The following TACC1 variants were observed in gnomAD, a reference collection of about 807,000 sequenced individuals.
The protein encoded by TACC1 is transforming acidic coiled-coil-containing protein 1.
TACC1 carries 48 observed loss-of-function variants against 84.4 expected under a neutral mutation model. That is an observed-to-expected ratio of 0.57 (90% CI 0.45 to 0.72). The LOEUF is 0.72. TACC1 is among the 30% of genes least tolerant of loss of function. TACC1 has a pLI of 0.00. For synonymous variants in TACC1, 372 were observed against 376.3 expected, an observed-to-expected ratio of 0.99 and a Z score of 0.13; for missense variants, 920 against 973.0, an observed-to-expected ratio of 0.95 and a Z score of 0.72.
At position 38,852,052 on chromosome 8, in the gene TACC1, C is replaced by T. The variant is rs564972841; in HGVS notation, c.*4029C>T. Reference sequence around the variant, plus strand: ...AGACTCTCCTCTCAAAGGATCTCCTCTGGAAGAGACTATCAGCGGCAGCAT... The same window carrying T: ...AGACTCTCCTCTCAAAGGATCTCCTTTGGAAGAGACTATCAGCGGCAGCAT... On this transcript the variant is annotated 3_prime_UTR_variant, in exon 13 of 13. Coordinates refer to ENST00000317827, the MANE Select transcript of TACC1 (RefSeq NM_006283.3). 1 of 431,848 alleles carries T rather than the reference C, an allele frequency of 2.3e-6. No homozygotes were observed. The highest frequency in any genetic ancestry group is 2.5e-5 in the Admixed American group (1 of 39,826). 26.8% of individuals were successfully genotyped at this position (431,848 alleles called of 1,614,324 possible). A position where few individuals can be genotyped will look rare whatever the true frequency, so the allele number is the denominator to read the frequency against.
At chr8:38,831,886 A>C (rs539568284) in intron 6 of TACC1, among the ~76,000 whole-genome samples, 2 of 151,466 alleles carry the variant, frequency 1.3e-5, no homozygotes, top group East Asian at 3.9e-4. Flanking sequence ...GGCTCACTAC[A>C]ACCTCCACCT....
intron 2 of TACC1, among the ~76,000 whole-genome samples, chr8:38,797,037 G>T (rs572028162): frequency 6.6e-6 from 1 of 152,220 alleles, no homozygotes; most frequent in African/African-American, 2.4e-5. Flanking sequence ...CTCCTAAGGC[G>T]GCTTACTCAT....
intron 2 of TACC1, among the ~76,000 whole-genome samples, chr8:38,804,125 T>A (rs1306906488): frequency 6.6e-6 from 1 of 152,152 alleles, no homozygotes; most frequent in African/African-American, 2.4e-5. Flanking sequence ...GATTTGAGGA[T>A]CAAGTTAGGT....
chr8:38,781,916 C>CT (rs1316260327), intron 3 of TACC1, among the ~76,000 whole-genome samples: 2 of 150,350 alleles, frequency 1.3e-5, no homozygotes, highest in East Asian at 1.9e-4. Flanking sequence ...GGACAGCCCT[C>CT]TTTTTTATTT....
intron 2 of TACC1, among the ~76,000 whole-genome samples, chr8:38,744,316 A>C (rs7015882): frequency 0.15 from 22,587 of 151,892 alleles, 1,808 homozygotes; most frequent in African/African-American, 0.19. Context: ...GGGATTCACC[A>C]TCTTGGCCAG....
At chr8:38,839,593 G>A (rs138525025) in intron 8 of TACC1, 4 of 279,086 alleles carry the variant, frequency 1.4e-5, no homozygotes, top group Non-Finnish European at 2.0e-5. Context: ...TGGATATGAC[G>A]TCAAAAGTGA....
At chr8:38,845,104 T>C (rs1831962893) in intron 11 of TACC1, 1 of 152,274 alleles carries the variant, frequency 6.6e-6, no homozygotes, top group Non-Finnish European at 1.5e-5. Flanking sequence ...TTTGTATTTT[T>C]AGTAGAGACG....
At chr8:38,838,215 T>C (rs986562006) in intron 7 of TACC1, among the ~76,000 whole-genome samples, 1 of 152,256 alleles carries the variant, frequency 6.6e-6, no homozygotes, top group Admixed American at 6.5e-5. Flanking sequence ...CAAGGTAAAG[T>C]TCACAGAGGC....
intron 3 of TACC1, among the ~76,000 whole-genome samples, chr8:38,762,151 C>G (rs1811326471): frequency 1.3e-5 from 2 of 152,296 alleles, no homozygotes; most frequent in South Asian, 4.1e-4. Flanking sequence ...TGAGGGAATT[C>G]AGGCACAGTT....
At chr8:38,824,304 G>C (rs1827541074) in intron 3 of TACC1, among the ~76,000 whole-genome samples, 1 of 152,146 alleles carries the variant, frequency 6.6e-6, no homozygotes, top group South Asian at 2.1e-4. Context: ...AAGCTGGCTT[G>C]GCCCCAAGAT....
At chr8:38,799,486 C>T (rs1487846812) in intron 2 of TACC1, among the ~76,000 whole-genome samples, 1 of 152,228 alleles carries the variant, frequency 6.6e-6, no homozygotes, top group East Asian at 1.9e-4. Context: ...TCTTGGCCGC[C>T]TTGGCATCCC....
Position 38,825,349 on chromosome 8 carries a change from C to T in TACC1, c.1433C>T (p.Ala478Val). The T allele has an allele frequency of 1.2e-6, 2 of 1,614,108 alleles. No individual in the cohort carries two copies. The highest frequency in any genetic ancestry group is 1.1e-5 in the South Asian group (1 of 91,058). The change falls in exon 4 of 13, where the codon GCC becomes GTC. Residue 478 changes from alanine (A) to valine (V), a missense_variant. By Grantham distance (64) the Ala-to-Val change is moderately conservative. Transcript: ENST00000317827. ...AAGAAGCATGAAACTCAGTCTCTCGCCCTGGATGCATGTTCTCGGGTGAGT... is the reference window on the plus strand; with the variant it reads ...AAGAAGCATGAAACTCAGTCTCTCGTCCTGGATGCATGTTCTCGGGTGAGT... ...KVKKHETQSL[A>V]LDACSRDEGA...
intron 2 of TACC1, among the ~76,000 whole-genome samples, chr8:38,819,288 A>G (rs948434362): frequency 1.3e-5 from 2 of 152,198 alleles, no homozygotes; most frequent in African/African-American, 4.8e-5. Context: ...TGTACTTACT[A>G]TTCGTATCAC....
rs750686043 is a variant in TACC1, at chr8:38,820,573, C to A, written c.1329C>A (p.Pro443=). The A allele has an allele frequency of 1.5e-5, 25 of 1,613,722 alleles. No individual in the cohort carries two copies. Among genetic ancestry groups the A allele is most frequent in the Non-Finnish European group, 1.9e-5 (22 of 1,180,030 alleles). ...TAACAAGCAGTGACTTTTGTTCTCC[C>A]ACTGGTAATCACGTTAATGAAATCT... The part of the protein sequence containing the change: ...TTLTSSDFCS[P]TGNHVNEILE... The change falls in exon 3 of 13, where the codon CCC becomes CCA. Residue 443 remains proline, a synonymous_variant. Transcript: ENST00000317827.
intron 3 of TACC1, chr8:38,757,233 C>CCCCCCCAAA: frequency 9.7e-6 from 5 of 516,056 alleles, no homozygotes; most frequent in Non-Finnish European, 1.1e-5. Context: ...TCCCTCGCCC[C>CCCCCCCAAA]ACCCTTCCTC....
chr8:38,788,944 T>G, intron 2 of TACC1, 125 bp downstream of exon 2: 1 of 722,078 alleles, frequency 1.4e-6, no homozygotes, highest in Middle Eastern at 4.0e-4. Context: ...AAGAGCTGTT[T>G]GAAACCTCCT....
chr8:38,743,231 T>C (rs1053178616), intron 2 of TACC1, among the ~76,000 whole-genome samples: 10 of 152,194 alleles, frequency 6.6e-5, no homozygotes, highest in African/African-American at 2.4e-4. Flanking sequence ...TCATCCATCA[T>C]TTTTGCAAAG....
rs531656398 is a variant in TACC1, at chr8:38,851,214, G to C, written c.*3191G>C. 2 of 152,380 alleles carry C rather than the reference G, an allele frequency of 1.3e-5. No homozygotes were observed. Among genetic ancestry groups the C allele is most frequent in the East Asian group, 3.9e-4 (2 of 5,188 alleles). The allele number at this position is 152,380 out of a possible 1,614,324, so 9.4% of individuals were successfully genotyped here. ...AGCCTTCCAGAATGGTATGGAATCTGAGGGAAGATTTATGTTTCGTTTTGG... is the reference window on the plus strand; with the variant it reads ...AGCCTTCCAGAATGGTATGGAATCTCAGGGAAGATTTATGTTTCGTTTTGG... On this transcript the variant is annotated 3_prime_UTR_variant, in exon 13 of 13. Coordinates refer to ENST00000317827, the MANE Select transcript of TACC1 (RefSeq NM_006283.3).
Position 38,850,231 on chromosome 8 carries a change from A to G in TACC1, c.*2208A>G, listed in dbSNP as rs1368839473. ...AGCACCAAAGGACCTTCGTTAAGTG[A>G]TAATTGTCCTGGCCTCTCAGCCATG... On this transcript the variant is annotated 3_prime_UTR_variant, in exon 13 of 13. Transcript: ENST00000317827. The G allele has an allele frequency of 2.6e-5, 4 of 152,424 alleles. No individual in the cohort carries two copies. The highest frequency in any genetic ancestry group is 2.0e-4 in the Admixed American group (3 of 15,290). 9.4% of individuals were successfully genotyped at this position (152,424 alleles called of 1,614,324 possible).
Sources: allele counts gnomAD v4.1 joint callset (sites outside exome capture counted in the v4.1 genomes callset), GRCh38; gene constraint gnomAD v4.1.1; transcripts MANE v1.5; gene names NCBI Gene and HGNC (gene_info 2026-07-23, HGNC 2026-07-21).